PTPRG: variants seen among roughly 807,000 people sequenced by gnomAD.
PTPRG encodes the protein receptor-type tyrosine-protein phosphatase gamma.
A neutral mutation model predicts 165.3 loss-of-function variants in PTPRG; 102 were observed. That is an observed-to-expected ratio of 0.62 (90% CI 0.53 to 0.73). The LOEUF is 0.73. Among genes scored for constraint, PTPRG ranks in the 30% least tolerant of loss-of-function variants. The pLI is 0.00. For missense variants in PTPRG, 1,866 were observed against 1,861.4 expected (o/e 1.00, Z -0.05); for synonymous variants, 675 against 669.5 (o/e 1.01, Z -0.13).
intron 10 of PTPRG, among the ~76,000 whole-genome samples, chr3:62,196,759 C>T (rs1699973860): frequency 1.3e-5 from 2 of 152,310 alleles, no homozygotes; most frequent in South Asian, 4.1e-4. Flanking sequence ...GAAAACCACG[C>T]CAGGTTAACC....
intron 2 of PTPRG, among the ~76,000 whole-genome samples, chr3:61,789,132 C>T (rs1156717522): frequency 6.6e-6 from 1 of 152,024 alleles, no homozygotes. Context: ...AAGGCTCTCA[C>T]TCTGTCACCC....
chr3:61,717,298 C>G lies in PTPRG; in HGVS notation c.86-31580C>G, dbSNP rs188672525. Among the ~76,000 whole-genome samples, 555 of 152,250 alleles carry G rather than the reference C, an allele frequency of 3.6e-3. 3 individuals carry two copies. Among genetic ancestry groups the G allele is most frequent in the Non-Finnish European group, 4.1e-3 (281 of 68,018 alleles). On this transcript the variant is annotated intron_variant, in intron 1 of 29. Transcript: ENST00000474889. ...GCAATGCATCATCCTGACCCTAACC[C>G]TTTGAGGTACATATTGTTATTATTC...
At chr3:61,723,033 A>G (rs2032116629) in intron 1 of PTPRG, among the ~76,000 whole-genome samples, 1 of 152,166 alleles carries the variant, frequency 6.6e-6, no homozygotes. Context: ...ACCCAACCCT[A>G]GGTTAGAACT....
At chr3:61,733,180 C>T (rs979966315) in intron 1 of PTPRG, among the ~76,000 whole-genome samples, 14 of 152,190 alleles carry the variant, frequency 9.2e-5, no homozygotes, top group African/African-American at 3.4e-4. Flanking sequence ...GGTCAAAGGT[C>T]ACTTTGTATC....
chr3:62,191,705 G>T, intron 9 of PTPRG, 52 bp downstream of exon 9: 1 of 1,537,808 alleles, frequency 6.5e-7, no homozygotes. Flanking sequence ...AGGGACTCCT[G>T]CTGCAGCTCT....
At chr3:61,718,114 A>G (rs1308449520) in intron 1 of PTPRG, among the ~76,000 whole-genome samples, 2 of 150,678 alleles carry the variant, frequency 1.3e-5, no homozygotes, top group Non-Finnish European at 3.0e-5. Flanking sequence ...TGGGTGGTGG[A>G]GGTTGCAGGG....
chr3:61,806,946 C>T (rs959752461), intron 2 of PTPRG, among the ~76,000 whole-genome samples: 1 of 152,176 alleles, frequency 6.6e-6, no homozygotes, highest in South Asian at 2.1e-4. Flanking sequence ...CAGCTTTTGT[C>T]ACTTCAAAGA....
intron 2 of PTPRG, among the ~76,000 whole-genome samples, chr3:61,963,072 C>G (rs2040190887): frequency 6.6e-6 from 1 of 152,102 alleles, no homozygotes; most frequent in Non-Finnish European, 1.5e-5. Context: ...GTTTATCCTT[C>G]CAGGGTTTCT....
chr3:61,888,773 T>A (rs1404952050), intron 2 of PTPRG, among the ~76,000 whole-genome samples: 1 of 152,228 alleles, frequency 6.6e-6, no homozygotes, highest in Non-Finnish European at 1.5e-5. Context: ...GGAGATTTCT[T>A]CCCAAGCCAG....
At chr3:61,780,709 C>T (rs12637254) in intron 2 of PTPRG, among the ~76,000 whole-genome samples, 15,735 of 152,070 alleles carry the variant, frequency 0.1, 1,240 homozygotes, top group East Asian at 0.45. Flanking sequence ...TCTGCCACAC[C>T]CCATGAGACA....
intron 1 of PTPRG, among the ~76,000 whole-genome samples, chr3:61,671,396 C>T (rs1313983539): frequency 6.6e-6 from 1 of 151,742 alleles, no homozygotes; most frequent in Non-Finnish European, 1.5e-5. Flanking sequence ...CTTGCACCGC[C>T]CTTAATCCAT....
intron 1 of PTPRG, among the ~76,000 whole-genome samples, chr3:61,735,557 C>G (rs1006197225): frequency 1.3e-5 from 2 of 150,352 alleles, no homozygotes; most frequent in Non-Finnish European, 2.9e-5. Flanking sequence ...TTTGAAATGC[C>G]GGGGACAGGC....
At chr3:61,917,542 T>G (rs2038971143) in intron 2 of PTPRG, among the ~76,000 whole-genome samples, 1 of 152,200 alleles carries the variant, frequency 6.6e-6, no homozygotes, top group South Asian at 2.1e-4. Flanking sequence ...GTGTCAGCAT[T>G]CAGAGGGTCC....
chr3:62,009,160 C>G (rs754201235), intron 4 of PTPRG, among the ~76,000 whole-genome samples: 2 of 152,118 alleles, frequency 1.3e-5, no homozygotes, highest in Non-Finnish European at 2.9e-5. Context: ...GAAAAAGTAT[C>G]CAGGGCCATT....
chr3:62,265,129 A>G (rs1432060572), intron 17 of PTPRG, among the ~76,000 whole-genome samples: 1 of 152,124 alleles, frequency 6.6e-6, no homozygotes, highest in Admixed American at 6.6e-5. Flanking sequence ...CCATTTTTTA[A>G]CTGGCTTACT....
rs1235639564 is a variant in PTPRG, at chr3:62,294,722, A to G, written c.*1415A>G. On this transcript the variant is annotated 3_prime_UTR_variant, in exon 30 of 30. Transcript: ENST00000474889. ...TACTGAGATCTGTTTCTTCTATTGCATGTTTGCTTTTGAGGGACAGCTTCT... is the reference window on the plus strand; with the variant it reads ...TACTGAGATCTGTTTCTTCTATTGCGTGTTTGCTTTTGAGGGACAGCTTCT... 2 of 152,248 alleles carry G rather than the reference A, an allele frequency of 1.3e-5. No homozygotes were observed. Among genetic ancestry groups the G allele is most frequent in the East Asian group, 3.9e-4 (2 of 5,186 alleles). 9.4% of individuals were successfully genotyped at this position (152,248 alleles called of 1,614,324 possible). A position where few individuals can be genotyped will look rare whatever the true frequency, so the allele number is the denominator to read the frequency against.
chr3:62,035,252 G>T (rs980972388), intron 4 of PTPRG, among the ~76,000 whole-genome samples: 16 of 152,196 alleles, frequency 1.1e-4, no homozygotes, highest in Non-Finnish European at 2.4e-4. Flanking sequence ...TGGTCATCAG[G>T]CAGGGCTGAT....
chr3:61,850,175 A>G (rs541818481), intron 2 of PTPRG, among the ~76,000 whole-genome samples: 1 of 151,874 alleles, frequency 6.6e-6, no homozygotes, highest in East Asian at 1.9e-4. Flanking sequence ...TTTATTTTTT[A>G]TTTTTGAAAC....
In PTPRG at chr3:62,203,459, C is replaced by T. The variant is rs138124307; in HGVS notation, c.1664C>T (p.Thr555Ile). Reference sequence around the variant, plus strand: ...CAGGCGGCTAGGCCAGTCCTAGCCACCACAGAGGCCTTGGCTTCTCCAGGG... The same window carrying T: ...CAGGCGGCTAGGCCAGTCCTAGCCATCACAGAGGCCTTGGCTTCTCCAGGG... Reference protein sequence around the residue: ...SKQAARPVLATTEALASPGPD... With the variant: ...SKQAARPVLAITEALASPGPD... Residue 555 changes from threonine to isoleucine, a missense_variant, in exon 12 of 30, where the codon ACC becomes ATC. This residue lies in a region of PTPRG where 1,452 missense variants were observed against 1,463.0 expected (regional missense o/e 0.99). Transcript: ENST00000474889. The surrounding 1 kb of genome is among the most constrained non-coding windows in gnomAD (Gnocchi z 6.4). 3.8e-6 allele frequency: 6 copies of T among 1,586,448 alleles called. No homozygotes were observed. Among genetic ancestry groups the T allele is most frequent in the Non-Finnish European group, 5.1e-6 (6 of 1,165,758 alleles).
Sources: gnomAD v4.1 joint callset for allele counts (sites outside exome capture counted in the v4.1 genomes callset) on GRCh38, gnomAD v4.1.1 for gene constraint, gnomAD v4.1.1 regional missense constraint, Gnocchi (gnomAD v3.1) non-coding constraint, MANE v1.5 for transcripts, NCBI Gene and HGNC (gene_info 2026-07-23, HGNC 2026-07-21) for gene names.